TNNI3K: variants seen among roughly 807,000 people sequenced by gnomAD.
The protein encoded by TNNI3K is serine/threonine-protein kinase TNNI3K.
In TNNI3K, 140 loss-of-function variants were observed where a neutral mutation model predicts 114.5. The observed-to-expected ratio is 1.22, with a 90% CI of 1.07 to 1.41. TNNI3K has a LOEUF of 1.41. Ranked by LOEUF, TNNI3K falls within the 40% of genes most tolerant of loss-of-function variation. The pLI is 0.00. For missense variants in TNNI3K, 1,125 were observed against 1,007.6 expected (o/e 1.12, Z -1.58); for synonymous variants, 347 against 347.5 (o/e 1.00, Z 0.02).
chr1:74,525,387 A>T (rs45502291), intron 23 of TNNI3K, among the ~76,000 whole-genome samples: 2 of 152,070 alleles, frequency 1.3e-5, no homozygotes, highest in Non-Finnish European at 2.9e-5. Context: ...GAAGGTAAAA[A>T]ATTTTGCTTA....
At chr1:74,451,263 G>T (rs182222427) in intron 20 of TNNI3K, among the ~76,000 whole-genome samples, 2 of 152,182 alleles carry the variant, frequency 1.3e-5, no homozygotes, top group East Asian at 3.9e-4. Context: ...CAGGGGGAGG[G>T]AGAGCACCAG....
chr1:74,380,169 C>T (rs1209940282), intron 17 of TNNI3K, among the ~76,000 whole-genome samples: 1 of 152,138 alleles, frequency 6.6e-6, no homozygotes, highest in Admixed American at 6.5e-5. Context: ...CCCAATCTCA[C>T]ATCTTCTGTA....
At chr1:74,243,647 T>C (rs1297707267) in intron 2 of TNNI3K, among the ~76,000 whole-genome samples, 2 of 152,160 alleles carry the variant, frequency 1.3e-5, no homozygotes, top group African/African-American at 2.4e-5. Context: ...AGAAGTTTAA[T>C]TGGATCACAA....
chr1:74,355,239 G>A (rs189852973), intron 11 of TNNI3K, among the ~76,000 whole-genome samples: 4 of 152,152 alleles, frequency 2.6e-5, no homozygotes, highest in African/African-American at 9.7e-5. Flanking sequence ...CTAAAAGATT[G>A]TACTGAAAAT....
chr1:74,343,139 C>T lies in TNNI3K; in HGVS notation c.892C>T (p.Leu298=). The change falls in exon 9 of 25, where the codon CTG becomes TTG. Residue 298 remains leucine (L), a synonymous_variant. Coordinates refer to ENST00000326637, the MANE Select transcript of TNNI3K (RefSeq NM_015978.3). ...CATCCAAATATCAGGAACAGAAAGTCTGACTAAGGAAAACATCTTCAGTGA... is the reference window on the plus strand; with the variant it reads ...CATCCAAATATCAGGAACAGAAAGTTTGACTAAGGAAAACATCTTCAGTGA... ...EIIQISGTES[L]TKENIFSETA... The T allele has an allele frequency of 6.2e-7, 1 of 1,613,262 alleles. No homozygotes were observed. Among genetic ancestry groups the T allele is most frequent in the Non-Finnish European group, 8.5e-7 (1 of 1,179,698 alleles).
chr1:74,455,053 A>G (rs1667174304), intron 20 of TNNI3K, among the ~76,000 whole-genome samples: 1 of 152,112 alleles, frequency 6.6e-6, no homozygotes, highest in African/African-American at 2.4e-5. Flanking sequence ...AGCAGAAAAT[A>G]AAGAGGAATA....
chr1:74,330,903 G>T (rs975691632), intron 5 of TNNI3K, among the ~76,000 whole-genome samples: 5 of 152,074 alleles, frequency 3.3e-5, no homozygotes, highest in Non-Finnish European at 4.4e-5. Context: ...TGTCCTTAAA[G>T]AAATTTCTCT....
chr1:74,297,774 A>G (rs1363939943), intron 5 of TNNI3K, among the ~76,000 whole-genome samples: 1 of 152,110 alleles, frequency 6.6e-6, no homozygotes. Context: ...ATTTCAACAA[A>G]TAAATAAAAG....
intron 5 of TNNI3K, among the ~76,000 whole-genome samples, chr1:74,308,518 A>G (rs904388458): frequency 6.6e-6 from 1 of 152,174 alleles, no homozygotes; most frequent in African/African-American, 2.4e-5. Context: ...CACTGTTATG[A>G]GGAAACTTTA....
At chr1:74,321,115 A>G (rs1659587656) in intron 5 of TNNI3K, among the ~76,000 whole-genome samples, 1 of 152,182 alleles carries the variant, frequency 6.6e-6, no homozygotes, top group South Asian at 2.1e-4. Context: ...AAATGCATAG[A>G]ACATGATGTG....
intron 23 of TNNI3K, among the ~76,000 whole-genome samples, chr1:74,495,602 A>G (rs934546163): frequency 6.6e-6 from 1 of 152,166 alleles, no homozygotes; most frequent in Non-Finnish European, 1.5e-5. Context: ...ATAGTCATCT[A>G]ATTCAGCCTT....
At chr1:74,430,594 C>T (rs372138222) in intron 17 of TNNI3K, among the ~76,000 whole-genome samples, 19 of 152,166 alleles carry the variant, frequency 1.2e-4, no homozygotes, top group Admixed American at 3.9e-4. Flanking sequence ...ATCTTGCCCG[C>T]AGTTATATTT....
rs765534595 is a variant in TNNI3K at position 74,331,475 on chromosome 1, G to T, written c.470G>T (p.Gly157Val). Residue 157 changes from glycine (G) to valine (V), a missense_variant, in exon 6 of 25, where the codon GGA (glycine) becomes GTA (valine). Physicochemically the swap from Gly to Val is moderately radical, Grantham distance 109. Transcript: ENST00000326637. Reference protein sequence around the residue: ...LEAADVLLQHGANVNIQDAVF... With the variant: ...LEAADVLLQHVANVNIQDAVF... ...GCTGCTGATGTGCTGTTGCAACATGGAGCTAATGTCAATATTCAAGATGCA... is the reference window on the plus strand; with the variant it reads ...GCTGCTGATGTGCTGTTGCAACATGTAGCTAATGTCAATATTCAAGATGCA... The T allele has an allele frequency of 1.9e-6, 3 of 1,613,590 alleles. No individual in the cohort carries two copies. In the South Asian group the frequency reaches 3.3e-5, roughly 18 times the overall value.
At chr1:74,272,203 C>G (rs1656393264) in intron 5 of TNNI3K, among the ~76,000 whole-genome samples, 2 of 151,904 alleles carry the variant, frequency 1.3e-5, no homozygotes, top group South Asian at 4.2e-4. Context: ...GCACCGGATA[C>G]TGTTTTAGAT....
intron 5 of TNNI3K, among the ~76,000 whole-genome samples, chr1:74,272,329 G>C (rs926761091): frequency 3.3e-5 from 5 of 151,844 alleles, no homozygotes; most frequent in Admixed American, 2.0e-4. Context: ...AATTAGTAGT[G>C]AGTACCATAA....
Position 74,463,479 on chromosome 1 carries a change from C to T in TNNI3K, c.2050C>T (p.Pro684Ser). 6.2e-7 allele frequency: 1 copy of T among 1,614,168 alleles called. No homozygotes were observed. Residue 684 changes from proline to serine, a missense_variant, in exon 21 of 25, where the codon CCT becomes TCT. By Grantham distance (74) the Pro-to-Ser change is moderately conservative. Transcript: ENST00000326637. Reference protein sequence around the residue: ...AADMAYHHIRPPIGYSIPKPI... With the variant: ...AADMAYHHIRSPIGYSIPKPI... ...AGACATGGCTTACCACCACATCAGA[C>T]CTCCCATTGGCTATTCCATTCCCAA...
At chr1:74,508,679 G>A (rs1670030567) in intron 23 of TNNI3K, among the ~76,000 whole-genome samples, 1 of 152,194 alleles carries the variant, frequency 6.6e-6, no homozygotes, top group South Asian at 2.1e-4. Flanking sequence ...CTATAGGTCA[G>A]AGCCCAACCC....
chr1:74,460,588 A>C (rs1480786376), intron 20 of TNNI3K, among the ~76,000 whole-genome samples: 4 of 152,234 alleles, frequency 2.6e-5, no homozygotes, highest in African/African-American at 9.6e-5. Context: ...ATCAAGGTAA[A>C]AATTTGATTA....
intron 17 of TNNI3K, among the ~76,000 whole-genome samples, chr1:74,387,103 G>T (rs1663523763): frequency 6.6e-6 from 1 of 152,116 alleles, no homozygotes; most frequent in Non-Finnish European, 1.5e-5. Context: ...CTGAAAGAAA[G>T]CTGTAATTGT....
Sources: allele counts gnomAD v4.1 joint callset (sites outside exome capture counted in the v4.1 genomes callset), GRCh38; gene constraint gnomAD v4.1.1; transcripts MANE v1.5; gene names NCBI Gene and HGNC (gene_info 2026-07-23, HGNC 2026-07-21).